SPAG16: variants seen among roughly 807,000 people sequenced by gnomAD.
SPAG16 encodes the protein sperm-associated antigen 16 protein.
In SPAG16, 86 loss-of-function variants were observed where a neutral mutation model predicts 80.4. The observed-to-expected ratio is 1.07, with a 90% CI of 0.90 to 1.28. SPAG16 has a LOEUF of 1.28. SPAG16 is among the 50% of genes most tolerant of loss of function. The pLI is 0.00. For synonymous variants in SPAG16, 294 were observed against 265.9 expected, an observed-to-expected ratio of 1.11 and a Z score of -1.03; for missense variants, 870 against 765.3, an observed-to-expected ratio of 1.14 and a Z score of -1.61.
chr2:213,518,329 A>G (rs1008345177), intron 10 of SPAG16, among the ~76,000 whole-genome samples: 1 of 152,192 alleles, frequency 6.6e-6, no homozygotes. Flanking sequence ...TGCAGGTAGC[A>G]TGATCATCGC....
chr2:214,389,456 G>A (rs1700944145), intron 15 of SPAG16, among the ~76,000 whole-genome samples: 1 of 151,684 alleles, frequency 6.6e-6, no homozygotes, highest in African/African-American at 2.4e-5. Flanking sequence ...TCAGCTCCAA[G>A]CATGAAAGCA....
At chr2:213,291,116 C>T (rs553364198) in intron 1 of SPAG16, among the ~76,000 whole-genome samples, 5 of 152,164 alleles carry the variant, frequency 3.3e-5, no homozygotes, top group African/African-American at 9.7e-5. Flanking sequence ...AGAGTCAAAT[C>T]TGGGGGTTAT....
At chr2:213,951,124 C>A (rs2079755094) in intron 12 of SPAG16, among the ~76,000 whole-genome samples, 1 of 151,654 alleles carries the variant, frequency 6.6e-6, no homozygotes, top group African/African-American at 2.4e-5. Flanking sequence ...CCCCAATATA[C>A]AAACCTTCAA....
chr2:213,894,738 C>T (rs1038389488), intron 11 of SPAG16, among the ~76,000 whole-genome samples: 1 of 152,064 alleles, frequency 6.6e-6, no homozygotes, highest in African/African-American at 2.4e-5. Context: ...CACCTGTAAT[C>T]CCAGCATTTT....
chr2:213,911,527 G>C (rs776823426), intron 11 of SPAG16, among the ~76,000 whole-genome samples: 1 of 152,184 alleles, frequency 6.6e-6, no homozygotes, highest in African/African-American at 2.4e-5. Flanking sequence ...TGTAATACGT[G>C]TAATGAAACC....
chr2:213,592,326 C>T (rs751673682), intron 10 of SPAG16, among the ~76,000 whole-genome samples: 1 of 152,058 alleles, frequency 6.6e-6, no homozygotes, highest in African/African-American at 2.4e-5. Context: ...TTGAATCGCT[C>T]TAGTGTTTAT....
intron 15 of SPAG16, among the ~76,000 whole-genome samples, chr2:214,217,492 A>G (rs1002493598): frequency 1.3e-5 from 2 of 152,202 alleles, no homozygotes; most frequent in African/African-American, 4.8e-5. Context: ...TAAGATCCCT[A>G]TCAGTCTGGC....
chr2:214,253,489 A>G (rs1215634919), intron 15 of SPAG16, among the ~76,000 whole-genome samples: 3 of 152,154 alleles, frequency 2.0e-5, no homozygotes, highest in African/African-American at 4.8e-5. Context: ...TATAAGGTGT[A>G]AGAAACGGGT....
At chr2:213,811,941 A>T (rs1382313849) in intron 10 of SPAG16, among the ~76,000 whole-genome samples, 1 of 152,152 alleles carries the variant, frequency 6.6e-6, no homozygotes, top group East Asian at 1.9e-4. Context: ...TCAGGCAAGC[A>T]GAGAACACAG....
chr2:213,516,601 G>A (rs916888622), intron 10 of SPAG16, among the ~76,000 whole-genome samples: 1 of 151,992 alleles, frequency 6.6e-6, no homozygotes, highest in Admixed American at 6.6e-5. Flanking sequence ...ACTATTTTAG[G>A]TGGTAGAATT....
chr2:213,567,334 A>T (rs2059807302), intron 10 of SPAG16, among the ~76,000 whole-genome samples: 1 of 124,454 alleles, frequency 8.0e-6, no homozygotes, highest in Non-Finnish European at 1.7e-5. Flanking sequence ...TGCACCCACT[A>T]ATGTGTCATC....
In SPAG16 at chr2:213,467,731, C is replaced by T. The variant is rs188990125; in HGVS notation, c.943-22232C>T. 2.0e-5 allele frequency among the ~76,000 whole-genome samples: 3 copies of T among 152,278 alleles called. No individual in the cohort carries two copies. The East Asian group carries it at 5.8e-4, about 29-fold the overall frequency. On this transcript the variant is annotated intron_variant, in intron 9 of 15. Transcript: ENST00000331683. ...CAAGGACTCCTCAGTCCTGCTGGAC[C>T]ATTTGTGAGTCTGGCTCTGGACTCA...
chr2:213,367,919 A>G (rs2125151091), intron 8 of SPAG16, among the ~76,000 whole-genome samples: 1 of 143,374 alleles, frequency 7.0e-6, no homozygotes. Flanking sequence ...TTATGGTTTT[A>G]GGTCTAACAT....
At chr2:213,405,223 A>G (rs2068547281) in intron 9 of SPAG16, among the ~76,000 whole-genome samples, 1 of 152,146 alleles carries the variant, frequency 6.6e-6, no homozygotes, top group Non-Finnish European at 1.5e-5. Context: ...TAAACATCCT[A>G]CAGTTAATTT....
chr2:214,217,482 T>C (rs1185079254), intron 15 of SPAG16, among the ~76,000 whole-genome samples: 1 of 152,218 alleles, frequency 6.6e-6, no homozygotes, highest in Non-Finnish European at 1.5e-5. Context: ...GCTCCAAAAG[T>C]AAGATCCCTA....
At chr2:213,350,769 A>T (rs1015125901) in intron 7 of SPAG16, 124 bp downstream of exon 7, 189 of 580,490 alleles carry the variant, frequency 3.3e-4, no homozygotes, top group South Asian at 8.6e-5. Context: ...TTTCATGTAA[A>T]AGAGATCCAT....
chr2:213,509,994 G>A (rs1393320819), intron 10 of SPAG16, among the ~76,000 whole-genome samples: 1 of 151,958 alleles, frequency 6.6e-6, no homozygotes, highest in Non-Finnish European at 1.5e-5. Flanking sequence ...TATCACCACC[G>A]ATCCTACAGA....
chr2:213,904,315 G>A (rs1200167570), intron 11 of SPAG16, among the ~76,000 whole-genome samples: 1 of 152,138 alleles, frequency 6.6e-6, no homozygotes, highest in East Asian at 1.9e-4. Context: ...CCACATGGCT[G>A]GGGAGGCCTC....
chr2:213,840,221 A>G (rs912140436), intron 10 of SPAG16, among the ~76,000 whole-genome samples: 1 of 152,234 alleles, frequency 6.6e-6, no homozygotes, highest in African/African-American at 2.4e-5. Context: ...ATAACCATAT[A>G]TAGGCCAAAT....
Sources: gnomAD v4.1 joint callset for allele counts (sites outside exome capture counted in the v4.1 genomes callset) on GRCh38, gnomAD v4.1.1 for gene constraint, MANE v1.5 for transcripts, NCBI Gene and HGNC (gene_info 2026-07-23, HGNC 2026-07-21) for gene names.